TSPEAR: variants seen among roughly 807,000 people sequenced by gnomAD.
The protein encoded by TSPEAR is thrombospondin type laminin G domain and EAR repeats.
Under a neutral mutation model 71.6 loss-of-function variants are expected in TSPEAR, and 69 were observed. That is an observed-to-expected ratio of 0.96 (90% CI 0.79 to 1.18). The LOEUF is 1.18. TSPEAR is among the 50% of genes most tolerant of loss of function. TSPEAR has a pLI of 0.00. For synonymous variants in TSPEAR, 402 were observed against 387.2 expected (o/e 1.04, Z -0.45); for missense variants, 971 against 894.9 (o/e 1.09, Z -1.09).
At chr21:44,596,650 C>A (rs141133243) in intron 1 of TSPEAR, among the ~76,000 whole-genome samples, 7 of 152,344 alleles carry the variant, frequency 4.6e-5, no homozygotes, top group Non-Finnish European at 1.0e-4. Context: ...TCTGCCCACA[C>A]CCTCGCCAAC....
chr21:44,630,451 C>A (rs1268458650), intron 1 of TSPEAR, among the ~76,000 whole-genome samples: 2 of 152,150 alleles, frequency 1.3e-5, no homozygotes, highest in African/African-American at 4.8e-5. Context: ...GGAGGAAGAG[C>A]TGAGAAATTA....
At chr21:44,573,197 C>T (rs1978290386) in intron 1 of TSPEAR, among the ~76,000 whole-genome samples, 1 of 152,164 alleles carries the variant, frequency 6.6e-6, no homozygotes, top group African/African-American at 2.4e-5. Flanking sequence ...AGAACCCAAA[C>T]AAACCTCTCT....
chr21:44,527,156 C>T (rs1226335930), intron 7 of TSPEAR, 136 bp downstream of exon 7: 1 of 807,322 alleles, frequency 1.2e-6, no homozygotes, highest in East Asian at 2.6e-5. Flanking sequence ...GCGACTCTGT[C>T]AGCCTTTTAC....
intron 1 of TSPEAR, among the ~76,000 whole-genome samples, chr21:44,580,778 C>T (rs879963423): frequency 6.6e-6 from 1 of 152,104 alleles, no homozygotes; most frequent in East Asian, 1.9e-4. Flanking sequence ...GCTGGAGATG[C>T]GTCATTCATG....
chr21:44,545,399 C>A (rs587715162), intron 2 of TSPEAR, among the ~76,000 whole-genome samples: 71 of 151,794 alleles, frequency 4.7e-4, no homozygotes, highest in Non-Finnish European at 2.5e-4. Flanking sequence ...ACTTGAAGAA[C>A]CCCCTAAACA....
At position 44,600,671 on chromosome 21, in the gene TSPEAR, G is replaced by A. The variant is rs369941112; in HGVS notation, c.83-32666C>T. ...TGCTCCAGCGACCTGAGCTACGGCA[G>A]CCGCGTCTGCCTTCCTGGTTCCTGT... is the stretch of plus-strand genomic sequence containing the variant. On this transcript the variant is annotated intron_variant, in intron 1 of 11. Transcript: ENST00000323084. 1.1e-5 allele frequency: 18 copies of A among 1,613,650 alleles called. No individual in the cohort carries two copies. In the African/African-American group the frequency reaches 2.0e-4, roughly 18 times the overall value.
intron 1 of TSPEAR, among the ~76,000 whole-genome samples, chr21:44,655,176 G>A (rs1274434414): frequency 2.0e-5 from 3 of 152,190 alleles, no homozygotes; most frequent in Non-Finnish European, 2.9e-5. Context: ...CGGGGTGGCC[G>A]ATACCCCATT....
At chr21:44,539,169 T>C (rs2146000155) in intron 2 of TSPEAR, 1 of 1,410,440 alleles carries the variant, frequency 7.1e-7, no homozygotes, top group Non-Finnish European at 9.3e-7. Flanking sequence ...GGAGGGGGGG[T>C]CACCTCAGCA....
rs782703825 is a variant in TSPEAR, at chr21:44,580,352, G to A, written c.83-12347C>T. 1.4e-5 allele frequency: 22 copies of A among 1,613,678 alleles called. No individual in the cohort carries two copies. The highest frequency in any genetic ancestry group is 5.3e-5 in the African/African-American group (4 of 74,920). On this transcript the variant is annotated intron_variant, in intron 1 of 11. Coordinates refer to ENST00000323084, the MANE Select transcript of TSPEAR (RefSeq NM_144991.3). ...GCAGGGGGAGGAGGCGCAGCAAGCCGGCTGGCAGCACGAGGGCGTGCAGGA... is the reference window on the plus strand; with the variant it reads ...GCAGGGGGAGGAGGCGCAGCAAGCCAGCTGGCAGCACGAGGGCGTGCAGGA...
chr21:44,702,264 G>A lies in TSPEAR; in HGVS notation c.82+9169C>T, dbSNP rs879995950. On this transcript the variant is annotated intron_variant, in intron 1 of 11. Coordinates refer to ENST00000323084, the MANE Select transcript of TSPEAR (RefSeq NM_144991.3). ...ACTCCTGGCAGGTGGACGACTGCCC[G>A]GAGAGCTGCTGCGAGCCCCCCTGCT... 47 of 1,606,628 alleles carry A rather than the reference G, an allele frequency of 2.9e-5. No individual in the cohort carries two copies. In the East Asian group the frequency reaches 4.5e-4, roughly 15 times the overall value.
chr21:44,550,639 G>C (rs1555918441), intron 2 of TSPEAR: 3 of 1,597,442 alleles, frequency 1.9e-6, no homozygotes, highest in Non-Finnish European at 2.6e-6. Context: ...GAGGTCCAAG[G>C]ACTGGCAGGG....
chr21:44,563,019 TA>T (rs2053658855), intron 2 of TSPEAR, among the ~76,000 whole-genome samples: 1 of 152,158 alleles, frequency 6.6e-6, no homozygotes, highest in Non-Finnish European at 1.5e-5. Context: ...AAAAGCAATA[TA>T]AAAAGGTATA....
chr21:44,672,375 C>T (rs782594412), intron 1 of TSPEAR, among the ~76,000 whole-genome samples: 6 of 152,156 alleles, frequency 3.9e-5, no homozygotes, highest in Non-Finnish European at 7.4e-5. Flanking sequence ...TTGAGACCAT[C>T]CTGGCTAACA....
At chr21:44,524,487 GTAGT>G (rs782550747) in intron 8 of TSPEAR, among the ~76,000 whole-genome samples, 14 of 150,512 alleles carry the variant, frequency 9.3e-5, no homozygotes, top group Non-Finnish European at 1.5e-4. Flanking sequence ...AGTCAGTCAG[GTAGT>G]TAGTCAGGTA....
intron 10 of TSPEAR, among the ~76,000 whole-genome samples, chr21:44,505,550 C>T (rs1181937124): frequency 3.5e-5 from 2 of 57,756 alleles, no homozygotes; most frequent in Non-Finnish European, 7.4e-5. Context: ...ACCCAGTAAA[C>T]ATCACCCCCT....
chr21:44,642,253 T>C lies in TSPEAR; in HGVS notation c.82+69180A>G, dbSNP rs1263447605. ...TGGAAATGGTATTGAAAAAGCTCATTCTTCAGAAGGCAGACTCAGATGTTT... is the reference window on the plus strand; with the variant it reads ...TGGAAATGGTATTGAAAAAGCTCATCCTTCAGAAGGCAGACTCAGATGTTT... On this transcript the variant is annotated intron_variant, in intron 1 of 11. Coordinates refer to ENST00000323084, the MANE Select transcript of TSPEAR (RefSeq NM_144991.3). This position sits in a 1 kb window ranked among gnomAD's most constrained non-coding sequence, Gnocchi z 4.1. Among the ~76,000 whole-genome samples, 1 of 151,552 alleles carries C rather than the reference T, an allele frequency of 6.6e-6. No individual in the cohort carries two copies. The highest frequency in any genetic ancestry group is 1.5e-5 in the Non-Finnish European group (1 of 67,612).
chr21:44,642,585 T>C lies in TSPEAR; in HGVS notation c.82+68848A>G, dbSNP rs1176577912. On this transcript the variant is annotated intron_variant, in intron 1 of 11. Coordinates refer to ENST00000323084, the MANE Select transcript of TSPEAR (RefSeq NM_144991.3). The surrounding 1 kb of genome is among the most constrained non-coding windows in gnomAD (Gnocchi z 4.1). ...GGGGCCGGGCGCAGTGGCTCATGCCTGTAATCCCAGCACTTTGAGAGGCCG... is the reference window on the plus strand; with the variant it reads ...GGGGCCGGGCGCAGTGGCTCATGCCCGTAATCCCAGCACTTTGAGAGGCCG... Among the ~76,000 whole-genome samples, 3 of 152,220 alleles carry C rather than the reference T, an allele frequency of 2.0e-5. 1 individual carries two copies. The highest frequency in any genetic ancestry group is 2.1e-4 in the South Asian group (1 of 4,832).
At chr21:44,639,667 G>A (rs371237524) in intron 1 of TSPEAR, among the ~76,000 whole-genome samples, 2 of 152,214 alleles carry the variant, frequency 1.3e-5, no homozygotes, top group Non-Finnish European at 2.9e-5. Context: ...CTAGGTCTCC[G>A]GGGCCATCCT....
intron 1 of TSPEAR, among the ~76,000 whole-genome samples, chr21:44,661,623 C>T (rs918774542): frequency 6.6e-6 from 1 of 152,202 alleles, no homozygotes; most frequent in Admixed American, 6.5e-5. Context: ...AATTGGCTCA[C>T]AGTTCTGCAA....
Sources: gnomAD v4.1 joint callset for allele counts (sites outside exome capture counted in the v4.1 genomes callset) on GRCh38, gnomAD v4.1.1 for gene constraint, Gnocchi (gnomAD v3.1) non-coding constraint, MANE v1.5 for transcripts, NCBI Gene and HGNC (gene_info 2026-07-23, HGNC 2026-07-21) for gene names.